Variants in DCT observed in about 807,000 individuals in gnomAD.
DCT encodes dopachrome tautomerase.
DCT carries 47 observed loss-of-function variants against 53.0 expected under a neutral mutation model. The observed-to-expected ratio is 0.89, with a 90% CI of 0.70 to 1.13. The LOEUF is 1.13. DCT is among the 50% of genes most tolerant of loss of function. The probability of loss-of-function intolerance (pLI) is 0.00; values close to 1 mark genes in which losing one functional copy is unlikely to be tolerated. For synonymous variants in DCT, 244 were observed against 237.0 expected, an observed-to-expected ratio of 1.03 and a Z score of -0.27; for missense variants, 669 against 637.4, an observed-to-expected ratio of 1.05 and a Z score of -0.53.
intron 6 of DCT, among the ~76,000 whole-genome samples, chr13:94,450,942 T>C (rs1044439050): frequency 2.6e-5 from 4 of 152,218 alleles, no homozygotes; most frequent in Non-Finnish European, 5.9e-5. Context: ...ATGAATTGGA[T>C]GTAATTCATA....
the DCT span, among the ~76,000 whole-genome samples, chr13:94,524,819 C>T: frequency 9.2e-5 from 14 of 152,074 alleles, no homozygotes; most frequent in Non-Finnish European, 1.6e-4. Flanking sequence ...AGGGTTGTTA[C>T]GAATGTAACT....
At chr13:94,461,669 T>C (rs1464995795) in intron 5 of DCT, among the ~76,000 whole-genome samples, 1 of 152,142 alleles carries the variant, frequency 6.6e-6, no homozygotes, top group Non-Finnish European at 1.5e-5. Context: ...TTTTAAAAAA[T>C]AAGAAAGGAA....
the DCT span, among the ~76,000 whole-genome samples, chr13:94,516,019 A>G: frequency 9.7e-5 from 13 of 134,488 alleles, no homozygotes; most frequent in Non-Finnish European, 2.1e-4. Flanking sequence ...GACAAAGATA[A>G]GCAGCAACTC....
chr13:94,530,216 G>A, the DCT span, among the ~76,000 whole-genome samples: 7 of 152,286 alleles, frequency 4.6e-5, no homozygotes, highest in South Asian at 6.2e-4. Flanking sequence ...GGTACAAAGA[G>A]GAGCTGGGAC....
chr13:94,477,223 G>A (rs1223106562), intron 1 of DCT, among the ~76,000 whole-genome samples: 1 of 152,066 alleles, frequency 6.6e-6, no homozygotes, highest in African/African-American at 2.4e-5. Context: ...AGCCCCCAGA[G>A]TAGCTGGGAT....
the DCT span, among the ~76,000 whole-genome samples, chr13:94,535,322 G>T: frequency 6.6e-6 from 1 of 152,188 alleles, no homozygotes; most frequent in Non-Finnish European, 1.5e-5. Context: ...TGCATGAGTT[G>T]ATTGCAAAGG....
chr13:94,511,825 A>AGTGTGTGTGTGT, the DCT span, among the ~76,000 whole-genome samples: 1 of 143,704 alleles, frequency 7.0e-6, no homozygotes, highest in South Asian at 2.2e-4. Flanking sequence ...CAGCATTGTC[A>AGTGTGTGTGTGT]GTGTGTGTGT....
chr13:94,526,220 G>T, the DCT span, among the ~76,000 whole-genome samples: 4 of 152,182 alleles, frequency 2.6e-5, no homozygotes, highest in Non-Finnish European at 5.9e-5. Flanking sequence ...CATCTACTGA[G>T]CCAGTACTTG....
intron 6 of DCT, among the ~76,000 whole-genome samples, chr13:94,457,547 C>T (rs1883490381): frequency 6.6e-6 from 1 of 152,082 alleles, no homozygotes; most frequent in African/African-American, 2.4e-5. Context: ...CCTGAGCAGA[C>T]TAAGACACAT....
At chr13:94,445,750 G>C in intron 6 of DCT, 1 of 1,583,732 alleles carries the variant, frequency 6.3e-7, no homozygotes, top group Non-Finnish European at 8.6e-7. Context: ...TTCCTTGGTC[G>C]CTTTCTCTTT....
intron 6 of DCT, among the ~76,000 whole-genome samples, chr13:94,443,931 T>C (rs1376654971): frequency 6.6e-6 from 1 of 152,194 alleles, no homozygotes; most frequent in African/African-American, 2.4e-5. Flanking sequence ...AGTGAGCAAA[T>C]GAAAGTTCAT....
the DCT span, among the ~76,000 whole-genome samples, chr13:94,526,140 C>T: frequency 6.6e-6 from 1 of 152,206 alleles, no homozygotes. Context: ...TCCTGGGTCC[C>T]AACTATGGGT....
In DCT at chr13:94,468,823, T is replaced by C. The variant is rs1162093942; in HGVS notation, c.518A>G (p.Gln173Arg). 1.2e-6 allele frequency: 2 copies of C among 1,614,064 alleles called. No individual in the cohort carries two copies. Among genetic ancestry groups the C allele is most frequent in the Non-Finnish European group, 1.7e-6 (2 of 1,180,036 alleles). The change falls in exon 2 of 8, where the codon CAG becomes CGG. Residue 173 changes from glutamine (Q) to arginine (R), a missense_variant. Physicochemically the swap from Gln to Arg is conservative, Grantham distance 43. Transcript: ENST00000377028. The stretch of plus-strand genomic sequence containing the variant: ...AACACTGCAGTTGGCAAACTGCGGC[T>C]GGGTTCCATTGGGCCCAAGCAGGCC... ...WLGLLGPNGT[Q>R]PQFANCSVYD...
intron 6 of DCT, among the ~76,000 whole-genome samples, chr13:94,456,782 C>G (rs1255683238): frequency 6.6e-6 from 1 of 152,176 alleles, no homozygotes; most frequent in Admixed American, 6.5e-5. Flanking sequence ...TGGTCTGTAT[C>G]AAGTAAAACT....
At chr13:94,546,800 C>T in the DCT span, among the ~76,000 whole-genome samples, 5 of 152,090 alleles carry the variant, frequency 3.3e-5, no homozygotes, top group African/African-American at 4.8e-5. This position sits in a 1 kb window ranked among gnomAD's most constrained non-coding sequence, Gnocchi z 4.2. Flanking sequence ...CTGAAGCATG[C>T]GCACTAAGAG....
the DCT span, among the ~76,000 whole-genome samples, chr13:94,507,332 A>T: frequency 6.6e-6 from 1 of 152,156 alleles, no homozygotes; most frequent in East Asian, 1.9e-4. Flanking sequence ...GTCTAAAGTT[A>T]TTTCAAAATA....
At chr13:94,501,825 A>G in the DCT span, among the ~76,000 whole-genome samples, 1 of 152,114 alleles carries the variant, frequency 6.6e-6, no homozygotes, top group Non-Finnish European at 1.5e-5. Context: ...TTCATGAGGG[A>G]CAAGGCTGCA....
the DCT span, among the ~76,000 whole-genome samples, chr13:94,508,852 A>T: frequency 6.6e-6 from 1 of 152,130 alleles, no homozygotes; most frequent in African/African-American, 2.4e-5. Flanking sequence ...GCTACAGAGG[A>T]GGGTGGATGA....
intron 1 of DCT, among the ~76,000 whole-genome samples, chr13:94,475,979 G>T (rs566895541): frequency 5.9e-5 from 9 of 152,268 alleles, no homozygotes; most frequent in Admixed American, 1.3e-4. Context: ...CAGATCACGG[G>T]GGGAGGTGAG....
Sources: allele counts gnomAD v4.1 joint callset (sites outside exome capture counted in the v4.1 genomes callset), GRCh38; gene constraint gnomAD v4.1.1; non-coding constraint Gnocchi (gnomAD v3.1); transcripts MANE v1.5; gene names NCBI Gene and HGNC (gene_info 2026-07-23, HGNC 2026-07-21).